Variants in CACNA1H observed in about 807,000 individuals in gnomAD.
CACNA1H encodes calcium voltage-gated channel subunit alpha1 H, also known as voltage-dependent T-type calcium channel subunit alpha-1H.
CACNA1H carries 149 observed loss-of-function variants against 192.5 expected under a neutral mutation model. That is an observed-to-expected ratio of 0.77 (90% CI 0.68 to 0.89). The LOEUF is 0.89. Among genes scored for constraint, CACNA1H ranks in the 40% least tolerant of loss-of-function variants. CACNA1H has a pLI of 0.00. For missense variants in CACNA1H, 4,257 were observed against 3,423.5 expected, an observed-to-expected ratio of 1.24 and a Z score of -6.08; for synonymous variants, 2,202 against 1,475.2, an observed-to-expected ratio of 1.49 and a Z score of -11.29.
At chr16:1,202,943 C>G (rs1968161691) in intron 9 of CACNA1H, among the ~76,000 whole-genome samples, 1 of 151,996 alleles carries the variant, frequency 6.6e-6, no homozygotes, top group Non-Finnish European at 1.5e-5. Flanking sequence ...GTGGGGTTCT[C>G]CTATGCGGGG....
chr16:1,208,531 C>G (rs1209453774), intron 16 of CACNA1H, among the ~76,000 whole-genome samples: 2 of 152,172 alleles, frequency 1.3e-5, no homozygotes, highest in Non-Finnish European at 2.9e-5. Context: ...AGACGGCAGG[C>G]CAGGCGGGGG....
At position 1,201,796 on chromosome 16, in the gene CACNA1H, G is replaced by T; in HGVS notation, c.1346G>T (p.Ser449Ile). ...RHLSNDSTLA[S>I]FSEPGSCYEE... ...CTGTCCAACGACAGCACGCTGGCCA[G>T]CTTCTCCGAGCCTGGCAGCTGCTAC... Residue 449 changes from serine to isoleucine, a missense_variant, in exon 9 of 35, where the codon AGC (serine) becomes ATC (isoleucine). Ser to Ile is a moderately radical substitution (Grantham distance 142). Coordinates refer to ENST00000348261, the MANE Select transcript of CACNA1H (RefSeq NM_021098.3). The T allele has an allele frequency of 6.3e-7, 1 of 1,594,538 alleles. No homozygotes were observed. The highest frequency in any genetic ancestry group is 8.5e-7 in the Non-Finnish European group (1 of 1,171,698).
intron 30 of CACNA1H, among the ~76,000 whole-genome samples, chr16:1,216,056 C>T (rs944798225): frequency 6.6e-5 from 10 of 152,190 alleles, no homozygotes; most frequent in African/African-American, 2.4e-4. Context: ...AGACCCAACA[C>T]GTTGTCCCGT....
intron 2 of CACNA1H, among the ~76,000 whole-genome samples, chr16:1,162,526 C>T (rs563196607): frequency 1.4e-4 from 21 of 152,218 alleles, no homozygotes; most frequent in African/African-American, 4.8e-4. Context: ...GACGCTTAGC[C>T]GTGAAGTGGG....
chr16:1,195,554 C>T lies in CACNA1H; in HGVS notation c.534C>T (p.Ile178=), dbSNP rs956395086. The T allele has an allele frequency of 7.5e-6, 12 of 1,602,158 alleles. No homozygotes were observed. Among genetic ancestry groups the T allele is most frequent in the African/African-American group, 2.7e-5 (2 of 74,830 alleles). The change falls in exon 4 of 35, where the codon ATC becomes ATT. Residue 178 remains isoleucine, a synonymous_variant. Coordinates refer to ENST00000348261, the MANE Select transcript of CACNA1H (RefSeq NM_021098.3). ...GDTWNRLDFF[I]VVAGMMEYSL... is the part of the protein sequence containing the mutation. ...CGTGGAACAGGCTGGATTTCTTCAT[C>T]GTCGTGGCGGGGTAGGCCCCGCCTG...
intron 2 of CACNA1H, among the ~76,000 whole-genome samples, chr16:1,183,242 G>A (rs1373321738): frequency 1.3e-5 from 2 of 152,150 alleles, no homozygotes; most frequent in East Asian, 1.9e-4. Flanking sequence ...ACCCCTGACG[G>A]GTTCTATTGC....
At chr16:1,197,400 C>T (rs780863438) in intron 5 of CACNA1H, among the ~76,000 whole-genome samples, 144 of 152,212 alleles carry the variant, frequency 9.5e-4, no homozygotes, top group Non-Finnish European at 6.2e-4. Context: ...ACACACAGCC[C>T]CTTCCTTCCA....
rs1363176822 is a variant in CACNA1H, at chr16:1,220,150, C to G, written c.6218C>G (p.Thr2073Ser). 1 of 1,521,286 alleles carries G rather than the reference C, an allele frequency of 6.6e-7. No homozygotes were observed. Among genetic ancestry groups the G allele is most frequent in the Non-Finnish European group, 8.8e-7 (1 of 1,136,114 alleles). 94.2% of individuals were successfully genotyped at this position (1,521,286 alleles called of 1,614,324 possible). A position where few individuals can be genotyped will look rare whatever the true frequency, so the allele number is the denominator to read the frequency against. Residue 2073 changes from threonine (T) to serine (S), a missense_variant, in exon 35 of 35, where the codon ACC (threonine) becomes AGC (serine). Thr to Ser is a moderately conservative substitution (Grantham distance 58, BLOSUM62 1). Coordinates refer to ENST00000348261, the MANE Select transcript of CACNA1H (RefSeq NM_021098.3). Reference protein sequence around the residue: ...RPASVRTRKHTFGQRCVSSRP... With the variant: ...RPASVRTRKHSFGQRCVSSRP... Reference sequence around the variant, plus strand: ...GCCAGCGTCCGCACTCGTAAGCATACCTTCGGACAGCGCTGCGTCTCCAGC... The same window carrying G: ...GCCAGCGTCCGCACTCGTAAGCATAGCTTCGGACAGCGCTGCGTCTCCAGC...
rs1041756529 is a variant in CACNA1H at position 1,212,678 on chromosome 16, G to A, written c.4777+150G>A. ...TGTGGCGTGAGGAGGGGCTGCGCTC[G>A]CCCGCCAGTGTCCGGGCTGCTGTGT... On this transcript the variant is annotated intron_variant, in intron 26 of 34. Transcript: ENST00000348261. The A allele has an allele frequency of 6.1e-5, 56 of 911,984 alleles. 2 individuals carry two copies. The Middle Eastern group carries it at 2.8e-3, about 46-fold the overall frequency. The allele number at this position is 911,984 out of a possible 1,614,324, so 56.5% of individuals were successfully genotyped here. A position where few individuals can be genotyped will look rare whatever the true frequency, so the allele number is the denominator to read the frequency against.
chr16:1,186,997 C>G (rs1214075695), intron 2 of CACNA1H, among the ~76,000 whole-genome samples: 1 of 152,322 alleles, frequency 6.6e-6, no homozygotes, highest in South Asian at 2.1e-4. Context: ...CTGGCCCGGC[C>G]CCTCCTGGGT....
At position 1,200,264 on chromosome 16, in the gene CACNA1H, A is replaced by G; in HGVS notation, c.812A>G (p.Asn271Ser). 1 of 1,599,374 alleles carries G rather than the reference A, an allele frequency of 6.3e-7. No homozygotes were observed. The highest frequency in any genetic ancestry group is 8.5e-7 in the Non-Finnish European group (1 of 1,172,772). Reference sequence around the variant, plus strand: ...GCTGTGCCCATCCCCAGGAACAACAACCTGACCTTCCTGCGGCCGTACTAC... The same window carrying G: ...GCTGTGCCCATCCCCAGGAACAACAGCCTGACCTTCCTGCGGCCGTACTAC... Reference protein sequence around the residue: ...FLDSAFVRNNNLTFLRPYYQT... With the variant: ...FLDSAFVRNNSLTFLRPYYQT... Residue 271 changes from asparagine (N) to serine (S), a missense_variant, in exon 7 of 35, where the codon AAC (asparagine) becomes AGC (serine). Transcript: ENST00000348261.
chr16:1,200,978 C>T (rs756221333), intron 8 of CACNA1H, among the ~76,000 whole-genome samples, 170 bp downstream of exon 8: 3 of 151,984 alleles, frequency 2.0e-5, no homozygotes, highest in Non-Finnish European at 2.9e-5. Context: ...CTGGGGACCC[C>T]AAGAGGCCAT....
At chr16:1,218,692 A>C in intron 33 of CACNA1H, 41 bp downstream of exon 33, 4 of 1,149,640 alleles carry the variant, frequency 3.5e-6, no homozygotes, top group Non-Finnish European at 1.2e-6. Context: ...GGTGGGAAGC[A>C]GGACAGGGAG....
In CACNA1H at chr16:1,221,654, G is replaced by A; in HGVS notation, c.*660G>A. ...CCGCGAGATTCCCATTGACACCTTT[G>A]TTTCGTGTGCTTTTAAATTCAGGTT... On this transcript the variant is annotated 3_prime_UTR_variant, in exon 35 of 35. Coordinates refer to ENST00000348261, the MANE Select transcript of CACNA1H (RefSeq NM_021098.3). The A allele has an allele frequency of 9.9e-7, 1 of 1,012,156 alleles. No homozygotes were observed. The highest frequency in any genetic ancestry group is 1.4e-6 in the Non-Finnish European group (1 of 707,912). 62.7% of individuals were successfully genotyped at this position (1,012,156 alleles called of 1,614,324 possible).
intron 2 of CACNA1H, among the ~76,000 whole-genome samples, chr16:1,154,637 G>T (rs1254342155): frequency 2.0e-5 from 3 of 152,124 alleles, no homozygotes; most frequent in Non-Finnish European, 4.4e-5. Flanking sequence ...GCTGACTTAA[G>T]TCATGCGCAG....
intron 26 of CACNA1H, among the ~76,000 whole-genome samples, chr16:1,212,736 G>C (rs914699561): frequency 6.6e-6 from 1 of 152,214 alleles, no homozygotes; most frequent in South Asian, 2.1e-4. Context: ...CCGGCTCACA[G>C]TCTGCCTGCA....
intron 2 of CACNA1H, among the ~76,000 whole-genome samples, chr16:1,170,572 T>C (rs1369778379): frequency 6.6e-6 from 1 of 152,176 alleles, no homozygotes; most frequent in Non-Finnish European, 1.5e-5. Context: ...TTTGGGGTTT[T>C]CCAACTTTAA....
chr16:1,213,687 A>C, intron 26 of CACNA1H, 93 bp from the exon 27 acceptor site: 2 of 985,900 alleles, frequency 2.0e-6, no homozygotes, highest in Non-Finnish European at 1.4e-6. Context: ...CTTCTACCCT[A>C]CACTTGGCCA....
At chr16:1,205,938 G>GCTTC (rs1407892026) in intron 11 of CACNA1H, among the ~76,000 whole-genome samples, 166 bp from the exon 12 acceptor site, 6 of 152,214 alleles carry the variant, frequency 3.9e-5, no homozygotes, top group African/African-American at 1.4e-4. Context: ...CTTTTGAGGT[G>GCTTC]CTTCCGCAGC....
Sources: gnomAD v4.1 joint callset for allele counts (sites outside exome capture counted in the v4.1 genomes callset) on GRCh38, gnomAD v4.1.1 for gene constraint, MANE v1.5 for transcripts, NCBI Gene and HGNC (gene_info 2026-07-23, HGNC 2026-07-21) for gene names.